The following ZCCHC2 variants were observed in gnomAD, a reference collection of about 807,000 sequenced individuals.
ZCCHC2 encodes zinc finger CCHC domain-containing protein 2.
In ZCCHC2, 39 loss-of-function variants were observed where a neutral mutation model predicts 103.6. The observed-to-expected ratio is 0.38, with a 90% CI of 0.29 to 0.49. The LOEUF is 0.49. Ranked by LOEUF, ZCCHC2 falls within the 20% of genes least tolerant of loss-of-function variation. The probability of loss-of-function intolerance (pLI) is 0.96; values close to 1 mark genes in which losing one functional copy is unlikely to be tolerated. For synonymous variants in ZCCHC2, 687 were observed against 608.9 expected (o/e 1.13, Z -1.89); for missense variants, 1,483 against 1,491.0 (o/e 0.99, Z 0.09).
chr18:62,562,145 C>G (rs189457772), intron 8 of ZCCHC2, among the ~76,000 whole-genome samples: 1 of 151,944 alleles, frequency 6.6e-6, no homozygotes, highest in Non-Finnish European at 1.5e-5. Context: ...TACAGGCACC[C>G]GCCACCATGC....
At chr18:62,561,419 C>T (rs1916111793) in intron 8 of ZCCHC2, among the ~76,000 whole-genome samples, 1 of 152,206 alleles carries the variant, frequency 6.6e-6, no homozygotes, top group South Asian at 2.1e-4. Flanking sequence ...TCTGTGATTT[C>T]TTACTCATAC....
chr18:62,565,074 T>C lies in ZCCHC2; in HGVS notation c.1824T>C (p.His608=). ...INGIRLSTPQ[H]AHGGTVKDVN... ...GTATTAGACTCTCCACTCCTCAGCA[T>C]GCCCATGGTGGTACTGTGAAAGGTA... The change falls in exon 11 of 14, where the codon CAT becomes CAC. Residue 608 remains histidine (H), a synonymous_variant. Transcript: ENST00000269499. The C allele has an allele frequency of 1.9e-6, 3 of 1,613,350 alleles. No individual in the cohort carries two copies. The highest frequency in any genetic ancestry group is 2.5e-6 in the Non-Finnish European group (3 of 1,179,386).
chr18:62,531,900 C>CT (rs1914694651), intron 1 of ZCCHC2, among the ~76,000 whole-genome samples: 1 of 151,916 alleles, frequency 6.6e-6, no homozygotes, highest in Admixed American at 6.6e-5. Context: ...GGGAGGATCA[C>CT]TTGAGCCTGG....
At chr18:62,550,907 A>G (rs1049318739) in intron 5 of ZCCHC2, among the ~76,000 whole-genome samples, 25 of 152,144 alleles carry the variant, frequency 1.6e-4, no homozygotes, top group Non-Finnish European at 3.4e-4. Context: ...CCAGAGGTCA[A>G]GGTTTTGCCC....
At chr18:62,547,008 C>G (rs1450914207) in intron 4 of ZCCHC2, among the ~76,000 whole-genome samples, 1 of 151,376 alleles carries the variant, frequency 6.6e-6, no homozygotes, top group South Asian at 2.1e-4. Flanking sequence ...TTTCTTTTAC[C>G]TTCTTTTTAA....
chr18:62,545,232 A>C (rs1915361934), intron 4 of ZCCHC2, among the ~76,000 whole-genome samples: 1 of 152,162 alleles, frequency 6.6e-6, no homozygotes, highest in Admixed American at 6.5e-5. Context: ...TTTGAAAAAA[A>C]AAAAGGAACC....
At chr18:62,548,993 G>A (rs912563218) in intron 4 of ZCCHC2, among the ~76,000 whole-genome samples, 4 of 152,102 alleles carry the variant, frequency 2.6e-5, no homozygotes, top group Admixed American at 2.0e-4. Context: ...GTCAGGGCGG[G>A]TGGATCACGA....
At chr18:62,532,838 C>A (rs1914747715) in intron 1 of ZCCHC2, among the ~76,000 whole-genome samples, 2 of 151,932 alleles carry the variant, frequency 1.3e-5, no homozygotes, top group East Asian at 3.9e-4. Flanking sequence ...GAGTTCAAGA[C>A]CAGCCTGGGC....
intron 6 of ZCCHC2, among the ~76,000 whole-genome samples, chr18:62,556,710 T>C (rs1915899202): frequency 6.6e-6 from 1 of 152,182 alleles, no homozygotes; most frequent in Non-Finnish European, 1.5e-5. Flanking sequence ...CTCTGCCTCT[T>C]TGTTTTCATC....
At chr18:62,543,409 C>T (rs1219813485) in intron 3 of ZCCHC2, among the ~76,000 whole-genome samples, 1 of 152,214 alleles carries the variant, frequency 6.6e-6, no homozygotes, top group African/African-American at 2.4e-5. Context: ...CCACCACTTG[C>T]TCGTTGAATG....
chr18:62,545,540 C>A (rs1173836256), intron 4 of ZCCHC2, among the ~76,000 whole-genome samples: 2 of 152,158 alleles, frequency 1.3e-5, no homozygotes, highest in Non-Finnish European at 1.5e-5. Flanking sequence ...TATCTTAGAT[C>A]ATTTTGTTCA....
Position 62,575,510 on chromosome 18 carries a change from A to G in ZCCHC2, c.3429A>G (p.Ala1143=), listed in dbSNP as rs930010515. The G allele has an allele frequency of 1.7e-5, 28 of 1,614,048 alleles. No homozygotes were observed. The highest frequency in any genetic ancestry group is 2.7e-5 in the African/African-American group (2 of 75,072). ...ATTGTGGTGTAAGCGGACACTATGC[A>G]CAGGACTGTAAGCAGTCGTCCATGG... ...CYNCGVSGHY[A]QDCKQSSMEA... is the part of the protein sequence containing the mutation. Residue 1143 remains alanine, a synonymous_variant, in exon 13 of 14, where the codon GCA becomes GCG. Coordinates refer to ENST00000269499, the MANE Select transcript of ZCCHC2 (RefSeq NM_017742.6).
chr18:62,542,935 C>CT (rs967066045), intron 3 of ZCCHC2, among the ~76,000 whole-genome samples: 2 of 152,092 alleles, frequency 1.3e-5, no homozygotes, highest in African/African-American at 4.8e-5. Context: ...TTCTCTGTGA[C>CT]GCTTTTATTG....
chr18:62,554,636 T>C (rs1295026265), intron 5 of ZCCHC2, among the ~76,000 whole-genome samples: 1 of 152,230 alleles, frequency 6.6e-6, no homozygotes, highest in Non-Finnish European at 1.5e-5. Flanking sequence ...TTTGGAGTTA[T>C]ATCTGGGCTG....
intron 9 of ZCCHC2, 118 bp from the exon 10 acceptor site, chr18:62,564,444 TAGGTTGGAA>T: frequency 1.6e-6 from 1 of 636,592 alleles, no homozygotes; most frequent in Non-Finnish European, 2.5e-6. Flanking sequence ...ACTTCAAAAA[TAGGTTGGAA>T]ATCAACACTT....
chr18:62,586,726 G>T (rs1436126329), exon 15 of ZCCHC2: 1 of 152,096 alleles, frequency 6.6e-6, no homozygotes, highest in African/African-American at 2.4e-5. Context: ...ATTAGCACAC[G>T]GTCGTCTTGC....
rs1350668317 is a variant in ZCCHC2, at chr18:62,565,105, G to T, written c.1846+9G>T. ...TGGTGGTACTGTGAAAGGTAAGAAG[G>T]TTATTTTTCTTTCAAATACCCATCA... On this transcript the variant is annotated intron_variant, in intron 11 of 13. Transcript: ENST00000269499. The T allele has an allele frequency of 6.3e-7, 1 of 1,597,286 alleles. No homozygotes were observed. The highest frequency in any genetic ancestry group is 1.7e-5 in the Admixed American group (1 of 59,608).
chr18:62,547,386 A>G (rs772099269), intron 4 of ZCCHC2, among the ~76,000 whole-genome samples: 61 of 151,752 alleles, frequency 4.0e-4, no homozygotes, highest in Middle Eastern at 3.5e-3. Flanking sequence ...GTCCAAACGA[A>G]CACCCTTTTT....
At position 62,523,163 on chromosome 18, in the gene ZCCHC2, G is replaced by A. The variant is rs1448019017; in HGVS notation, c.-262G>A. On this transcript the variant is annotated 5_prime_UTR_variant, in exon 1 of 14. Coordinates refer to ENST00000269499, the MANE Select transcript of ZCCHC2 (RefSeq NM_017742.6). ...GCTCGCTTGCTCCCACCCGCACCCG[G>A]GCTCCCAGAACCGGCGAGGAGCCCA... 6.5e-6 allele frequency: 1 copy of A among 154,484 alleles called. No individual in the cohort carries two copies. Among genetic ancestry groups the A allele is most frequent in the East Asian group, 1.9e-4 (1 of 5,148 alleles). The allele number at this position is 154,484 out of a possible 1,614,324, so 9.6% of individuals were successfully genotyped here. A position where few individuals can be genotyped will look rare whatever the true frequency, so the allele number is the denominator to read the frequency against.
Sources: allele counts gnomAD v4.1 joint callset (sites outside exome capture counted in the v4.1 genomes callset), GRCh38; gene constraint gnomAD v4.1.1; transcripts MANE v1.5; gene names NCBI Gene and HGNC (gene_info 2026-07-23, HGNC 2026-07-21).